TSHZ3: variants seen among roughly 807,000 people sequenced by gnomAD.
The protein encoded by TSHZ3 is teashirt zinc finger homeobox 3.
TSHZ3 carries 10 observed loss-of-function variants against 64.5 expected under a neutral mutation model. The observed-to-expected ratio is 0.16, with a 90% CI of 0.10 to 0.26. The LOEUF is 0.26. Among genes scored for constraint, TSHZ3 ranks in the 10% least tolerant of loss-of-function variants. The pLI is 1.00. For synonymous variants in TSHZ3, 608 were observed against 593.1 expected (o/e 1.03, Z -0.36); for missense variants, 1,242 against 1,421.7 (o/e 0.87, Z 2.03).
intron 5 of TSHZ3, among the ~76,000 whole-genome samples, chr19:31,185,186 G>C (rs1417828684): frequency 6.6e-6 from 1 of 151,712 alleles, no homozygotes; most frequent in East Asian, 1.9e-4. Flanking sequence ...TGGCCGCCAT[G>C]CAGACTTATT....
intron 5 of TSHZ3, among the ~76,000 whole-genome samples, chr19:31,201,846 T>G (rs990681608): frequency 2.0e-5 from 3 of 152,208 alleles, no homozygotes; most frequent in Non-Finnish European, 4.4e-5. Context: ...TATCATCTAT[T>G]GCCATTATTT....
At chr19:31,247,718 AT>A (rs1410903007) in intron 1 of TSHZ3, among the ~76,000 whole-genome samples, 8 of 152,136 alleles carry the variant, frequency 5.3e-5, no homozygotes, top group Non-Finnish European at 1.2e-4. Context: ...GTATTTTCTA[AT>A]TCCTGTGTTT....
intron 4 of TSHZ3, chr19:31,207,807 A>C (rs2145156716): frequency 1.3e-5 from 2 of 152,326 alleles, no homozygotes; most frequent in Middle Eastern, 3.4e-3. Flanking sequence ...CATGCTAAAC[A>C]GTAGTTTAGT....
At position 31,205,134 on chromosome 19, in the gene TSHZ3, C is replaced by T. The variant is rs533024448; in HGVS notation, n.687-56G>A. On this transcript the variant is annotated intron_variant and non_coding_transcript_variant, in intron 4 of 6. Transcript: ENST00000651361. ...GTGCCATTCTGGAGAGGTTCCTTGT[C>T]GGCTGTTCATGAACACAATTGCTCT... is the stretch of plus-strand genomic sequence containing the variant. 7.2e-5 allele frequency among the ~76,000 whole-genome samples: 11 copies of T among 152,200 alleles called. No homozygotes were observed. The East Asian group carries it at 1.9e-3, about 27-fold the overall frequency.
chr19:31,334,686 C>T (rs905000187), intron 1 of TSHZ3, among the ~76,000 whole-genome samples: 1 of 152,144 alleles, frequency 6.6e-6, no homozygotes, highest in African/African-American at 2.4e-5. Context: ...TTAGATAGAA[C>T]ACTCAAATAT....
At position 31,279,257 on chromosome 19, in the gene TSHZ3, A is replaced by G; in HGVS notation, c.536T>C (p.Val179Ala). The G allele has an allele frequency of 6.2e-7, 1 of 1,613,996 alleles. No individual in the cohort carries two copies. Among genetic ancestry groups the G allele is most frequent in the South Asian group, 1.1e-5 (1 of 91,064 alleles). The change falls in exon 2 of 2, where the codon GTG becomes GCG. Residue 179 changes from valine to alanine, a missense_variant. Coordinates refer to ENST00000240587, the MANE Select transcript of TSHZ3 (RefSeq NM_020856.4). This position sits in a 1 kb window ranked among gnomAD's most constrained non-coding sequence, Gnocchi z 6.4. The stretch of plus-strand genomic sequence containing the variant: ...CTCCGGGAGCATGCGGCTCTGTGAC[A>G]CCTGCTGCAGCGTCTTAGCCATGGC... ...QSAMAKTLQQ[V>A]SQSRMLPEPS...
chr19:31,151,818 C>T (rs1974243460), intron 6 of TSHZ3, among the ~76,000 whole-genome samples: 1 of 152,110 alleles, frequency 6.6e-6, no homozygotes, highest in South Asian at 2.1e-4. Context: ...TTATCAATGG[C>T]CTGGAGCTTG....
intron 4 of TSHZ3, among the ~76,000 whole-genome samples, chr19:31,214,187 C>A (rs1355640627): frequency 6.6e-6 from 1 of 152,222 alleles, no homozygotes; most frequent in Non-Finnish European, 1.5e-5. Context: ...AAGCCCTCTG[C>A]GCACTCTCCG....
downstream of TSHZ3, among the ~76,000 whole-genome samples, chr19:31,274,661 T>A (rs1477891089): frequency 6.6e-6 from 1 of 151,900 alleles, no homozygotes; most frequent in African/African-American, 2.4e-5. Context: ...GGTCTGGCAA[T>A]ATCCCTTCTG....
chr19:31,258,364 G>A (rs569556239), intron 1 of TSHZ3, among the ~76,000 whole-genome samples: 1 of 152,310 alleles, frequency 6.6e-6, no homozygotes, highest in African/African-American at 2.4e-5. Flanking sequence ...TCAGCCACAG[G>A]ACATGGAACA....
intron 6 of TSHZ3, among the ~76,000 whole-genome samples, chr19:31,154,281 A>G (rs1044330736): frequency 3.3e-5 from 5 of 152,190 alleles, no homozygotes; most frequent in Admixed American, 2.0e-4. Context: ...ATTTGCTTGC[A>G]GTGCAACAAT....
At chr19:31,349,018 G>A (rs953054876) in intron 1 of TSHZ3, 162 bp downstream of exon 1, 81 of 868,536 alleles carry the variant, frequency 9.3e-5, no homozygotes, top group Non-Finnish European at 1.2e-4. Flanking sequence ...GGGGCGCCCG[G>A]TACCCGAGGC....
At chr19:31,234,380 G>C (rs756456041) in intron 3 of TSHZ3, among the ~76,000 whole-genome samples, 4 of 151,050 alleles carry the variant, frequency 2.6e-5, no homozygotes, top group Non-Finnish European at 1.5e-5. Context: ...TATTTATTTT[G>C]CCTTATGGCA....
intron 3 of TSHZ3, among the ~76,000 whole-genome samples, chr19:31,231,769 A>G (rs1314088255): frequency 6.6e-6 from 1 of 152,198 alleles, no homozygotes; most frequent in Non-Finnish European, 1.5e-5. Context: ...TACGGATCCT[A>G]TAGCAGCTTC....
chr19:31,264,244 C>G (rs1976019277), intron 1 of TSHZ3, among the ~76,000 whole-genome samples: 1 of 152,182 alleles, frequency 6.6e-6, no homozygotes, highest in African/African-American at 2.4e-5. Flanking sequence ...CAGTGACAGG[C>G]AGGAGGTGGT....
intron 1 of TSHZ3, among the ~76,000 whole-genome samples, chr19:31,255,830 C>T (rs528263348): frequency 6.6e-6 from 1 of 152,142 alleles, no homozygotes; most frequent in Non-Finnish European, 1.5e-5. Context: ...GGTAAGCCCC[C>T]CCTTACTCAG....
chr19:31,183,213 TC>T (rs1568339983), intron 5 of TSHZ3, among the ~76,000 whole-genome samples: 102 of 96,100 alleles, frequency 1.1e-3, no homozygotes, highest in African/African-American at 5.8e-3. Flanking sequence ...TCTCTCTCTC[TC>T]TCTCTCTCTC....
At chr19:31,284,710 C>G (rs980093845) in intron 1 of TSHZ3, among the ~76,000 whole-genome samples, 7 of 152,158 alleles carry the variant, frequency 4.6e-5, no homozygotes, top group African/African-American at 1.7e-4. Flanking sequence ...CAGCTTTTGT[C>G]CCCTTATCCA....
At chr19:31,312,106 A>G (rs185590197) in intron 1 of TSHZ3, among the ~76,000 whole-genome samples, 1 of 152,294 alleles carries the variant, frequency 6.6e-6, no homozygotes, top group African/African-American at 2.4e-5. Flanking sequence ...AGGCATGGTG[A>G]CACCAATGTT....
Sources: gnomAD v4.1 joint callset for allele counts (sites outside exome capture counted in the v4.1 genomes callset) on GRCh38, gnomAD v4.1.1 for gene constraint, Gnocchi (gnomAD v3.1) non-coding constraint, MANE v1.5 for transcripts, NCBI Gene and HGNC (gene_info 2026-07-23, HGNC 2026-07-21) for gene names.